Variants in ABCG8 observed in about 807,000 individuals in gnomAD.
ABCG8 encodes ATP-binding cassette sub-family G member 8.
Under a neutral mutation model 71.3 loss-of-function variants are expected in ABCG8, and 81 were observed. The observed-to-expected ratio is 1.14, with a 90% CI of 0.95 to 1.37. The LOEUF (loss-of-function observed/expected upper bound fraction) is 1.37. Among genes scored for constraint, ABCG8 ranks in the 40% most tolerant of loss-of-function variants. The pLI is 0.00. For missense variants in ABCG8, 1,119 were observed against 866.2 expected (o/e 1.29, Z -3.66); for synonymous variants, 451 against 354.7 (o/e 1.27, Z -3.05).
rs758246514 is a variant in ABCG8 at position 43,852,739 on chromosome 2, C to T, written c.835C>T (p.Leu279=). ...LHQPRSDIFR[L]FDLVLLMTSG... The stretch of plus-strand genomic sequence containing the variant: ...CCAGCCTCGCTCTGACATCTTCAGG[C>T]TGTTTGATCTGGTCCTCCTGATGAC... Residue 279 remains leucine, a synonymous_variant, in exon 6 of 13, where the codon CTG becomes TTG. Transcript: ENST00000272286. 2 of 1,614,178 alleles carry T rather than the reference C, an allele frequency of 1.2e-6. No homozygotes were observed. Among genetic ancestry groups the T allele is most frequent in the Middle Eastern group, 1.6e-4 (1 of 6,062 alleles).
At chr2:43,845,347 G>A (rs898481317) in intron 2 of ABCG8, among the ~76,000 whole-genome samples, 1 of 151,992 alleles carries the variant, frequency 6.6e-6, no homozygotes, top group African/African-American at 2.4e-5. Flanking sequence ...AAGCCAATGA[G>A]CCTTTCTCTG....
At chr2:43,877,497 C>A in intron 11 of ABCG8, 64 bp from the exon 12 acceptor site, 2 of 1,609,578 alleles carry the variant, frequency 1.2e-6, no homozygotes, top group Non-Finnish European at 8.5e-7. Context: ...GGAGACCATG[C>A]GAATATGGGG....
At chr2:43,865,639 T>TGTCTG (rs879474500) in intron 6 of ABCG8, among the ~76,000 whole-genome samples, 1,533 of 145,882 alleles carry the variant, frequency 0.011, 5 homozygotes, top group Middle Eastern at 0.048. Context: ...TTCTCCCTAC[T>TGTCTG]GATAGAACTC....
Position 43,844,521 on chromosome 2 carries a change from A to G in ABCG8, c.78A>G (p.Arg26=). 6.2e-7 allele frequency: 1 copy of G among 1,614,064 alleles called. No homozygotes were observed. Among genetic ancestry groups the G allele is most frequent in the Non-Finnish European group, 8.5e-7 (1 of 1,179,962 alleles). The stretch of plus-strand genomic sequence containing the variant: ...GTCTCCCACAGGGCCTCCAGGATAG[A>G]TTGTTCTCCTCTGAAAGTGACAACA... ...TPQDTSGLQD[R]LFSSESDNSL... The change falls in exon 2 of 13, where the codon AGA becomes AGG. Residue 26 remains arginine (R), a synonymous_variant. Coordinates refer to ENST00000272286, the MANE Select transcript of ABCG8 (RefSeq NM_022437.3).
chr2:43,862,166 A>T (rs1318693769), intron 6 of ABCG8, among the ~76,000 whole-genome samples: 1 of 150,354 alleles, frequency 6.7e-6, no homozygotes, highest in Non-Finnish European at 1.5e-5. Flanking sequence ...ATTTCTCACC[A>T]TCTGGGTAGA....
intron 6 of ABCG8, 24 bp from the exon 7 acceptor site, chr2:43,871,952 T>C: frequency 6.2e-7 from 1 of 1,613,830 alleles, no homozygotes; most frequent in Non-Finnish European, 8.5e-7. Context: ...AGGCCACCTG[T>C]GACTCCACAT....
At chr2:43,870,445 C>T (rs1249699093) in intron 6 of ABCG8, among the ~76,000 whole-genome samples, 1 of 152,032 alleles carries the variant, frequency 6.6e-6, no homozygotes, top group Non-Finnish European at 1.5e-5. Context: ...TTTTTACTAT[C>T]TGGATAGAAT....
chr2:43,868,503 G>T (rs1669615852), intron 6 of ABCG8, among the ~76,000 whole-genome samples: 1 of 151,770 alleles, frequency 6.6e-6, no homozygotes, highest in Admixed American at 6.6e-5. Flanking sequence ...TATCTGTCTG[G>T]ATAGAATTCT....
At chr2:43,851,878 C>T in intron 4 of ABCG8, 56 bp downstream of exon 4, 3 of 1,560,908 alleles carry the variant, frequency 1.9e-6, no homozygotes, top group South Asian at 1.1e-5. Flanking sequence ...AGTGTCCATG[C>T]CCCGCTCCTC....
At chr2:43,858,512 A>G (rs1669191170) in intron 6 of ABCG8, among the ~76,000 whole-genome samples, 1 of 151,288 alleles carries the variant, frequency 6.6e-6, no homozygotes, top group Non-Finnish European at 1.5e-5. Context: ...TACTCTCACT[A>G]TCTATCTCGA....
intron 6 of ABCG8, 79 bp downstream of exon 6, chr2:43,852,947 A>G: frequency 6.3e-7 from 1 of 1,581,026 alleles, no homozygotes; most frequent in Non-Finnish European, 8.6e-7. Flanking sequence ...AGCTTGCTGG[A>G]AAGATTCAGG....
chr2:43,881,322 A>G lies in ABCG8; in HGVS notation c.*3409A>G, dbSNP rs1670126281. 6.6e-6 allele frequency: 1 copy of G among 152,212 alleles called. No individual in the cohort carries two copies. The allele number at this position is 152,212 out of a possible 1,614,324, so 9.4% of individuals were successfully genotyped here. Reference sequence around the variant, plus strand: ...GGTTGCCCATGCTGGAGCTTTAACAAAAGCCAATGTGGACCCATTGCCCAG... The same window carrying G: ...GGTTGCCCATGCTGGAGCTTTAACAGAAGCCAATGTGGACCCATTGCCCAG... On this transcript the variant is annotated 3_prime_UTR_variant, in exon 13 of 13. Transcript: ENST00000272286.
In ABCG8 at chr2:43,875,410, A is replaced by T. The variant is rs371166792; in HGVS notation, c.1753A>T (p.Thr585Ser). ...GFMINLSSLWTVPAWISKVSF... is the reference protein window; with the variant it reads ...GFMINLSSLWSVPAWISKVSF... ...CATGATAAACTTGAGCAGCCTGTGG[A>T]CAGGTAAGGCCTGCCCCCGGGGCCT... Residue 585 changes from threonine (T) to serine (S), a missense_variant, in exon 11 of 13, where the codon ACA becomes TCA. Physicochemically the swap from Thr to Ser is moderately conservative, Grantham distance 58. Transcript: ENST00000272286. The T allele has an allele frequency of 3.5e-5, 56 of 1,613,668 alleles. No homozygotes were observed. In the African/African-American group the frequency reaches 4.7e-4, roughly 13 times the overall value.
chr2:43,864,508 A>G (rs1669451075), intron 6 of ABCG8, among the ~76,000 whole-genome samples: 1 of 151,620 alleles, frequency 6.6e-6, no homozygotes, highest in Non-Finnish European at 1.5e-5. Context: ...CACCCTCTGG[A>G]TAGATCTCTC....
intron 3 of ABCG8, among the ~76,000 whole-genome samples, chr2:43,850,909 C>CAAAAAA (rs1164206598): frequency 2.3e-4 from 13 of 57,454 alleles, no homozygotes; most frequent in East Asian, 5.2e-4. Context: ...GACTCTGTCT[C>CAAAAAA]AAAAAAAAAA....
intron 6 of ABCG8, among the ~76,000 whole-genome samples, chr2:43,858,590 C>CT: frequency 6.6e-6 from 1 of 151,486 alleles, no homozygotes; most frequent in East Asian, 1.9e-4. Context: ...GGATAGAACT[C>CT]TATTTTTCTG....
rs751556228 is a variant in ABCG8 at position 43,844,605 on chromosome 2, C to A, written c.162C>A (p.Tyr54Ter). 4 of 1,609,976 alleles carry A rather than the reference C, an allele frequency of 2.5e-6. No individual in the cohort carries two copies. Among genetic ancestry groups the A allele is most frequent in the South Asian group, 1.1e-5 (1 of 90,954 alleles). ...PNTLEVRDLN[Y>*]QVDLASQVPW... ...CCCTGGAGGTCAGAGACCTCAACTACCAGGTAGAGGCACGCCTGGGTTCAA... is the reference window on the plus strand; with the variant it reads ...CCCTGGAGGTCAGAGACCTCAACTAACAGGTAGAGGCACGCCTGGGTTCAA... The change falls in exon 2 of 13, where the codon TAC becomes TAA. Residue 54 changes from tyrosine to a stop codon, truncating the protein, a stop_gained. Coordinates refer to ENST00000272286, the MANE Select transcript of ABCG8 (RefSeq NM_022437.3). LOFTEE classifies it high-confidence loss of function.
At chr2:43,859,495 C>T (rs1173960430) in intron 6 of ABCG8, among the ~76,000 whole-genome samples, 1 of 148,426 alleles carries the variant, frequency 6.7e-6, no homozygotes, top group African/African-American at 2.5e-5. Context: ...ATAGAACTCT[C>T]ACTATCTATC....
rs1470939113 is a variant in ABCG8 at position 43,879,679 on chromosome 2, C to T, written c.*1766C>T. ...AGCCTTGGATCTAGTTCTCAAGTCT[C>T]TTTTGTCTCTTTCAGTTTAGGAACA... On this transcript the variant is annotated 3_prime_UTR_variant, in exon 13 of 13. Coordinates refer to ENST00000272286, the MANE Select transcript of ABCG8 (RefSeq NM_022437.3). The T allele has an allele frequency of 2.0e-5, 3 of 152,190 alleles. No individual in the cohort carries two copies. Among genetic ancestry groups the T allele is most frequent in the Non-Finnish European group, 4.4e-5 (3 of 68,030 alleles). The allele number at this position is 152,190 out of a possible 1,614,324, so 9.4% of individuals were successfully genotyped here.
Sources: gnomAD v4.1 joint callset for allele counts (sites outside exome capture counted in the v4.1 genomes callset) on GRCh38, gnomAD v4.1.1 for gene constraint, MANE v1.5 for transcripts, NCBI Gene and HGNC (gene_info 2026-07-23, HGNC 2026-07-21) for gene names.